The following FLNB variants were observed in gnomAD, a reference collection of about 807,000 sequenced individuals.
The protein encoded by FLNB is filamin-B.
Under a neutral mutation model 250.6 loss-of-function variants are expected in FLNB, and 111 were observed. The observed-to-expected ratio is 0.44, with a 90% CI of 0.38 to 0.52. The LOEUF is 0.52. FLNB is among the 20% of genes least tolerant of loss of function. The pLI, the probability that FLNB is intolerant of heterozygous loss-of-function variation, is 0.00. For missense variants in FLNB, 2,869 were observed against 3,447.8 expected (o/e 0.83, Z 4.20); for synonymous variants, 1,302 against 1,372.1 (o/e 0.95, Z 1.13).
intron 41 of FLNB, among the ~76,000 whole-genome samples, chr3:58,158,186 T>C (rs2097356179): frequency 6.6e-6 from 1 of 152,104 alleles, no homozygotes; most frequent in Non-Finnish European, 1.5e-5. Flanking sequence ...TCAGTCTATA[T>C]CCCCTAGGGC....
intron 1 of FLNB, among the ~76,000 whole-genome samples, chr3:58,053,856 T>C (rs948882860): frequency 8.5e-5 from 13 of 152,336 alleles, no homozygotes; most frequent in African/African-American, 2.6e-4. Flanking sequence ...CATGGCCTCG[T>C]CTTCCGCTAT....
At chr3:58,066,041 T>C (rs1252569460) in intron 1 of FLNB, among the ~76,000 whole-genome samples, 3 of 152,090 alleles carry the variant, frequency 2.0e-5, no homozygotes, top group Middle Eastern at 3.2e-3. Context: ...CCAGGCGTCC[T>C]TGGGGGCCTT....
At chr3:58,010,370 C>A (rs1284528433) in intron 1 of FLNB, among the ~76,000 whole-genome samples, 1 of 152,184 alleles carries the variant, frequency 6.6e-6, no homozygotes. Context: ...TCCCTTCCCC[C>A]ACACCTGTCC....
rs559114371 is a variant in FLNB at position 58,098,101 on chromosome 3, A to G, written c.1147+124A>G. The G allele has an allele frequency of 3.8e-4, 397 of 1,046,488 alleles. 1 individual carries two copies. Among genetic ancestry groups the G allele is most frequent in the South Asian group, 3.4e-3 (249 of 72,928 alleles). 64.8% of individuals were successfully genotyped at this position (1,046,488 alleles called of 1,614,324 possible). ...AATCAAATAAATAATCACAAAGACA[A>G]TTTTTTCAAATGTGTTATATTAGAT... is the stretch of plus-strand genomic sequence containing the variant. On this transcript the variant is annotated intron_variant, in intron 7 of 45. Transcript: ENST00000295956.
rs1337158694 is a variant in FLNB, at chr3:58,130,909, G to T, written c.4390+1G>T. The T allele has an allele frequency of 1.9e-6, 3 of 1,609,724 alleles. No homozygotes were observed. Among genetic ancestry groups the T allele is most frequent in the Non-Finnish European group, 1.7e-6 (2 of 1,178,570 alleles). On this transcript the variant is annotated splice_donor_variant, in intron 25 of 45. Coordinates refer to ENST00000295956, the MANE Select transcript of FLNB (RefSeq NM_001457.4). LOFTEE classifies it high-confidence loss of function. Reference sequence around the variant, plus strand: ...GAAGTGAGGGTTCTGGGCCCACGAGGTAAGTGTGCACCCTGCCTTCCTGCA... The same window carrying T: ...GAAGTGAGGGTTCTGGGCCCACGAGTTAAGTGTGCACCCTGCCTTCCTGCA...
chr3:58,016,395 G>A (rs1055532427), intron 1 of FLNB, among the ~76,000 whole-genome samples: 1 of 151,566 alleles, frequency 6.6e-6, no homozygotes. Flanking sequence ...AAAAGGGGTC[G>A]TTTATCTCAG....
chr3:58,146,090 A>C, intron 33 of FLNB, 41 bp downstream of exon 33: 1 of 1,612,966 alleles, frequency 6.2e-7, no homozygotes, highest in Non-Finnish European at 8.5e-7. Flanking sequence ...CCAGCTGTCC[A>C]TTTGGAGGGT....
At position 58,169,671 on chromosome 3, in the gene FLNB, C is replaced by A. The variant is rs751710236; in HGVS notation, c.7499C>A (p.Thr2500Asn). The A allele has an allele frequency of 6.8e-6, 11 of 1,613,984 alleles. No homozygotes were observed. Among genetic ancestry groups the A allele is most frequent in the Non-Finnish European group, 9.3e-6 (11 of 1,180,002 alleles). ...TCAGTGACCAGGTCGTCTACAGAGA[C>A]CTGCTATAGCGCCATTCCCAAGGCA... ...VESVTRSSTE[T>N]CYSAIPKASS... Residue 2500 changes from threonine to asparagine, a missense_variant, in exon 45 of 46, where the codon ACC becomes AAC. Thr to Asn is a moderately conservative substitution (Grantham distance 65). Transcript: ENST00000295956. The surrounding 1 kb of genome is among the most constrained non-coding windows in gnomAD (Gnocchi z 4.8).
chr3:58,166,007 CT>C (rs764732652), intron 43 of FLNB: 2 of 152,064 alleles, frequency 1.3e-5, no homozygotes, highest in Non-Finnish European at 2.9e-5. Context: ...CAGGTAAGTG[CT>C]TTAGCTCCAA....
intron 32 of FLNB, among the ~76,000 whole-genome samples, chr3:58,143,995 A>G (rs1193870969): frequency 6.6e-6 from 1 of 152,058 alleles, no homozygotes; most frequent in African/African-American, 2.4e-5. Context: ...GAAGAGGACC[A>G]GCAGCCCTGG....
chr3:58,088,325 G>A (rs576510760), intron 4 of FLNB, among the ~76,000 whole-genome samples: 1 of 152,258 alleles, frequency 6.6e-6, no homozygotes, highest in Admixed American at 6.5e-5. Flanking sequence ...TGGAATTACA[G>A]GTGTGAGCCA....
rs374611530 is a variant in FLNB, at chr3:58,155,950, G to T, written c.6773-10G>T. ...GTCTCTGAAATGATGGGACTTTCCT[G>T]TCCTCATAGGTAACTACGAGGTGTC... On this transcript the variant is annotated splice_polypyrimidine_tract_variant and intron_variant, in intron 40 of 45. Transcript: ENST00000295956. 3.7e-5 allele frequency: 59 copies of T among 1,579,722 alleles called. No individual in the cohort carries two copies. The African/African-American group carries it at 6.6e-4, about 18-fold the overall frequency.
At chr3:58,167,590 C>G (rs1211224581) in intron 43 of FLNB, among the ~76,000 whole-genome samples, 1 of 152,234 alleles carries the variant, frequency 6.6e-6, no homozygotes, top group Non-Finnish European at 1.5e-5. Context: ...AGGAGGCTCT[C>G]CCTGGGCCAG....
chr3:58,071,496 C>T (rs192650758), intron 1 of FLNB, among the ~76,000 whole-genome samples: 1 of 152,118 alleles, frequency 6.6e-6, no homozygotes, highest in African/African-American at 2.4e-5. Flanking sequence ...CCAGGCTGGC[C>T]TCGAACTCCT....
intron 5 of FLNB, 69 bp from the exon 6 acceptor site, chr3:58,096,072 C>A: frequency 7.9e-7 from 1 of 1,257,974 alleles, no homozygotes; most frequent in Non-Finnish European, 1.2e-6. Flanking sequence ...TGCAGAACCC[C>A]TGCTGACACA....
chr3:58,058,416 T>G lies in FLNB; in HGVS notation c.293-18630T>G, dbSNP rs139474539. ...GGCTCCATCCCTGCATCTTCCTACTTGTCTAAATCTTCGTCACAGACAACA... is the reference window on the plus strand; with the variant it reads ...GGCTCCATCCCTGCATCTTCCTACTGGTCTAAATCTTCGTCACAGACAACA... On this transcript the variant is annotated intron_variant, in intron 1 of 45. Transcript: ENST00000295956. 1.2e-4 allele frequency among the ~76,000 whole-genome samples: 19 copies of G among 152,110 alleles called. No individual in the cohort carries two copies. The East Asian group carries it at 3.7e-3, about 29-fold the overall frequency.
chr3:58,081,111 G>A (rs1176088386), intron 3 of FLNB, among the ~76,000 whole-genome samples: 5 of 151,736 alleles, frequency 3.3e-5, no homozygotes, highest in African/African-American at 4.8e-5. Context: ...TTTTTTTAAT[G>A]GCTCCTAATA....
intron 1 of FLNB, among the ~76,000 whole-genome samples, chr3:58,047,290 G>C (rs2097155634): frequency 6.6e-6 from 1 of 152,162 alleles, no homozygotes; most frequent in African/African-American, 2.4e-5. Context: ...TTATTTTCTA[G>C]ATGTTTGACT....
At position 58,149,995 on chromosome 3, in the gene FLNB, C is replaced by A. The variant is rs767109451; in HGVS notation, c.6237C>A (p.His2079Gln). The part of the protein sequence containing the change: ...YIVSTKFADE[H>Q]VPGSPFTVKI... ...TCTCCACCAAATTCGCTGACGAGCA[C>A]GTGCCTGGTATGTGCATTCCATTCC... The change falls in exon 37 of 46, where the codon CAC (histidine) becomes CAA (glutamine). Residue 2079 changes from histidine (H) to glutamine (Q), a missense_variant. By Grantham distance (24) the His-to-Gln change is conservative. Around this residue, in one of 5 missense-constraint regions of FLNB, gnomAD observed 1,084 missense variants for 1,315.5 expected, o/e 0.82. Coordinates refer to ENST00000295956, the MANE Select transcript of FLNB (RefSeq NM_001457.4). 10 of 1,614,278 alleles carry A rather than the reference C, an allele frequency of 6.2e-6. No homozygotes were observed. Among genetic ancestry groups the A allele is most frequent in the Non-Finnish European group, 4.2e-6 (5 of 1,180,052 alleles).
Sources: gnomAD v4.1 joint callset for allele counts (sites outside exome capture counted in the v4.1 genomes callset) on GRCh38, gnomAD v4.1.1 for gene constraint, gnomAD v4.1.1 regional missense constraint, Gnocchi (gnomAD v3.1) non-coding constraint, MANE v1.5 for transcripts, NCBI Gene and HGNC (gene_info 2026-07-23, HGNC 2026-07-21) for gene names.